ZNF528: variants seen among roughly 807,000 people sequenced by gnomAD.
ZNF528 encodes zinc finger protein 528.
Under a neutral mutation model 13.3 loss-of-function variants are expected in ZNF528, and 9 were observed. The ratio of observed to expected loss-of-function variants is 0.67; its 90% CI spans 0.41 to 1.18. ZNF528 has a LOEUF of 1.18. ZNF528 is among the 50% of genes most tolerant of loss of function. ZNF528 has a pLI of 0.01. For synonymous variants in ZNF528, 264 were observed against 254.3 expected (o/e 1.04, Z -0.36); for missense variants, 858 against 745.4 (o/e 1.15, Z -1.76).
At chr19:52,407,742 C>A (rs553187941) in intron 6 of ZNF528, among the ~76,000 whole-genome samples, 131 of 152,140 alleles carry the variant, frequency 8.6e-4, no homozygotes, top group African/African-American at 3.0e-3. Context: ...CACCACTGCG[C>A]CCTAGCTTGG....
At chr19:52,404,314 G>A (rs1383317158) in intron 4 of ZNF528, among the ~76,000 whole-genome samples, 1 of 151,338 alleles carries the variant, frequency 6.6e-6, no homozygotes, top group Non-Finnish European at 1.5e-5. Flanking sequence ...TGCAACCTCC[G>A]CCTCCCGGGT....
chr19:52,413,551 T>C (rs1208953175), intron 6 of ZNF528: 1 of 152,132 alleles, frequency 6.6e-6, no homozygotes, highest in Non-Finnish European at 1.5e-5. Context: ...CTTATGGAAA[T>C]AGGAAAAGCA....
Position 52,398,452 on chromosome 19 carries a change from A to C in ZNF528, c.-304A>C. 1 of 452,616 alleles carries C rather than the reference A, an allele frequency of 2.2e-6. No homozygotes were observed. Among genetic ancestry groups the C allele is most frequent in the Non-Finnish European group, 2.9e-6 (1 of 342,890 alleles). 28.0% of individuals were successfully genotyped at this position (452,616 alleles called of 1,614,324 possible). ...CTGACATCCAGTGTTCTCTCGAGCC[A>C]GTTTCCAGCCCACAGAAAATGAGCT... On this transcript the variant is annotated 5_prime_UTR_variant, in exon 2 of 7. Transcript: ENST00000360465.
At chr19:52,405,020 A>G (rs1157724248) in intron 4 of ZNF528, among the ~76,000 whole-genome samples, 2 of 151,634 alleles carry the variant, frequency 1.3e-5, no homozygotes, top group African/African-American at 4.8e-5. Context: ...GATCGAGACC[A>G]TCCTGGCCAA....
At chr19:52,399,366 C>A (rs1421841906) in intron 2 of ZNF528, among the ~76,000 whole-genome samples, 1 of 152,172 alleles carries the variant, frequency 6.6e-6, no homozygotes, top group African/African-American at 2.4e-5. Context: ...AATCCCAGTA[C>A]TTTGGGAAGC....
chr19:52,407,098 C>G (rs555385441), intron 6 of ZNF528, among the ~76,000 whole-genome samples: 1 of 151,572 alleles, frequency 6.6e-6, no homozygotes, highest in African/African-American at 2.4e-5. Flanking sequence ...GTGTACGCCA[C>G]GATGCCTGGC....
At position 52,417,300 on chromosome 19, in the gene ZNF528, G is replaced by A. The variant is rs2059015431; in HGVS notation, c.*561G>A. On this transcript the variant is annotated 3_prime_UTR_variant, in exon 7 of 7. Transcript: ENST00000360465. ...GATTATTTCTATCCAATTTCCTGATGAAGGACATTGCCTTTTGAGATTAAA... is the reference window on the plus strand; with the variant it reads ...GATTATTTCTATCCAATTTCCTGATAAAGGACATTGCCTTTTGAGATTAAA... The A allele has an allele frequency of 4.0e-6, 1 of 251,006 alleles. No homozygotes were observed. Among genetic ancestry groups the A allele is most frequent in the Non-Finnish European group, 7.7e-6 (1 of 129,110 alleles). The allele number at this position is 251,006 out of a possible 1,614,324, so 15.5% of individuals were successfully genotyped here.
chr19:52,398,198 CCT>C (rs1377366970), intron 1 of ZNF528, among the ~76,000 whole-genome samples, 167 bp from the exon 2 acceptor site: 1 of 152,192 alleles, frequency 6.6e-6, no homozygotes, highest in South Asian at 2.1e-4. Flanking sequence ...CACGTAAAAT[CCT>C]CACTCTCCGT....
intron 6 of ZNF528, among the ~76,000 whole-genome samples, chr19:52,409,061 T>C (rs1406788815): frequency 6.6e-6 from 1 of 152,190 alleles, no homozygotes; most frequent in East Asian, 1.9e-4. Flanking sequence ...GTATTCTTCA[T>C]TGCTGTTTTG....
At chr19:52,410,081 G>T (rs1031012894) in intron 6 of ZNF528, among the ~76,000 whole-genome samples, 8 of 152,264 alleles carry the variant, frequency 5.3e-5, no homozygotes, top group Non-Finnish European at 1.2e-4. Flanking sequence ...GGGATTACAG[G>T]CATGAGCCAC....
intron 6 of ZNF528, among the ~76,000 whole-genome samples, chr19:52,410,438 T>C (rs946544735): frequency 1.3e-5 from 2 of 152,120 alleles, no homozygotes; most frequent in Non-Finnish European, 2.9e-5. Context: ...CAGTAGATAA[T>C]CTCAGTGAGC....
chr19:52,413,450 C>T (rs1257031531), intron 6 of ZNF528: 1 of 152,172 alleles, frequency 6.6e-6, no homozygotes, highest in Non-Finnish European at 1.5e-5. Flanking sequence ...CTCTGTACTC[C>T]ATCGTTAACT....
chr19:52,415,341 T>C lies in ZNF528; in HGVS notation c.489T>C (p.Tyr163=), dbSNP rs1404964545. 18 of 1,611,692 alleles carry C rather than the reference T, an allele frequency of 1.1e-5. No individual in the cohort carries two copies. Among genetic ancestry groups the C allele is most frequent in the Admixed American group, 6.7e-5 (4 of 59,496 alleles). Residue 163 remains tyrosine (Y), a synonymous_variant, in exon 7 of 7, where the codon TAT becomes TAC. Transcript: ENST00000360465. The stretch of plus-strand genomic sequence containing the variant: ...TCAAATCCCACCTTTTAAATAAATA[T>C]AGAAATAATTTTGATCATGCTCCAT... ...SSVKSHLLNK[Y]RNNFDHAPLL...
Position 52,415,191 on chromosome 19 carries a change from TC to T in ZNF528, c.340del (p.Gln114SerfsTer4). ...PCKNQLGFTF[Q>X]LHLSDLQLFQ... ...GTAAAAATCAACTTGGATTCACTTTTCAGTTACATCTGAGTGATCTACAGCT... is the reference window on the plus strand; with the variant it reads ...GTAAAAATCAACTTGGATTCACTTTTAGTTACATCTGAGTGATCTACAGCT... On this transcript the variant is annotated frameshift_variant, in exon 7 of 7. Transcript: ENST00000360465. LOFTEE classifies it low-confidence loss of function (END_TRUNC). 1 of 1,612,434 alleles carries T rather than the reference TC, an allele frequency of 6.2e-7. No homozygotes were observed. Among genetic ancestry groups the T allele is most frequent in the Non-Finnish European group, 8.5e-7 (1 of 1,179,292 alleles).
In ZNF528 at chr19:52,415,833, TAATAAATGTGGC is replaced by T. The variant is rs1357483325; in HGVS notation, c.984_995del (p.Asn328_Gly331del). 6.2e-7 allele frequency: 1 copy of T among 1,613,894 alleles called. No individual in the cohort carries two copies. The highest frequency in any genetic ancestry group is 1.3e-5 in the African/African-American group (1 of 75,000). ...ATACTGGAGAGAAACCTTACAGTTGTAATAAATGTGGCAAGGTCTTTAGTCGCCATTCATATC... is the reference window on the plus strand; with the variant it reads ...ATACTGGAGAGAAACCTTACAGTTGTAAGGTCTTTAGTCGCCATTCATATC... On this transcript the variant is annotated inframe_deletion, in exon 7 of 7. Transcript: ENST00000360465.
rs761556710 is a variant in ZNF528, at chr19:52,416,766, CCAT to C, written c.*34_*36del. ...AGTCCCTACAAACTGTATGGCAAAA[CCAT>C]CATCATGAGTTCTAGCATTAATCAA... On this transcript the variant is annotated 3_prime_UTR_variant, in exon 7 of 7. Transcript: ENST00000360465. The C allele has an allele frequency of 2.6e-6, 4 of 1,558,166 alleles. No individual in the cohort carries two copies. The South Asian group carries it at 3.6e-5, about 14-fold the overall frequency.
At chr19:52,409,915 A>G (rs1217165139) in intron 6 of ZNF528, among the ~76,000 whole-genome samples, 3 of 152,116 alleles carry the variant, frequency 2.0e-5, no homozygotes, top group African/African-American at 7.2e-5. Flanking sequence ...GGGTTTCACC[A>G]TGTTGGTCAG....
intron 6 of ZNF528, 53 bp from the exon 7 acceptor site, chr19:52,415,071 C>A: frequency 2.5e-6 from 4 of 1,611,122 alleles, no homozygotes; most frequent in Non-Finnish European, 2.5e-6. Context: ...CTGTCAGACA[C>A]TAAAGATGCC....
intron 6 of ZNF528, among the ~76,000 whole-genome samples, chr19:52,407,109 T>A (rs2058866897): frequency 1.3e-5 from 2 of 151,006 alleles, no homozygotes; most frequent in Non-Finnish European, 2.9e-5. Context: ...GATGCCTGGC[T>A]AATTTTTGGT....
Sources: gnomAD v4.1 joint callset for allele counts (sites outside exome capture counted in the v4.1 genomes callset) on GRCh38, gnomAD v4.1.1 for gene constraint, MANE v1.5 for transcripts, NCBI Gene and HGNC (gene_info 2026-07-23, HGNC 2026-07-21) for gene names.